TTC28: variants seen among roughly 807,000 people sequenced by gnomAD.
TTC28 encodes the protein tetratricopeptide repeat protein 28.
In TTC28, 61 loss-of-function variants were observed where a neutral mutation model predicts 198.0. The ratio of observed to expected loss-of-function variants is 0.31; its 90% CI spans 0.25 to 0.38. The LOEUF is 0.38. Among genes scored for constraint, TTC28 ranks in the 10% least tolerant of loss-of-function variants. TTC28 has a pLI of 1.00. For synonymous variants in TTC28, 1,171 were observed against 1,297.8 expected, an observed-to-expected ratio of 0.90 and a Z score of 2.10; for missense variants, 2,678 against 3,164.0, an observed-to-expected ratio of 0.85 and a Z score of 3.69.
chr22:28,252,169 C>A (rs1392014007), intron 5 of TTC28, among the ~76,000 whole-genome samples: 1 of 152,150 alleles, frequency 6.6e-6, no homozygotes, highest in African/African-American at 2.4e-5. Flanking sequence ...GCAATTCCAA[C>A]AGATTTTCAA....
intron 2 of TTC28, among the ~76,000 whole-genome samples, chr22:28,376,672 G>A (rs546543899): frequency 6.6e-6 from 1 of 152,294 alleles, no homozygotes; most frequent in Non-Finnish European, 1.5e-5. Context: ...GCTCTGGGAA[G>A]GGGAAGCAAA....
At chr22:28,581,394 C>T (rs945330586) in intron 2 of TTC28, among the ~76,000 whole-genome samples, 1 of 152,132 alleles carries the variant, frequency 6.6e-6, no homozygotes, top group Non-Finnish European at 1.5e-5. Flanking sequence ...TAGACTAACA[C>T]GACATCCTTT....
Position 28,094,147 on chromosome 22 carries a change from C to G in TTC28, c.3865G>C (p.Gly1289Arg), listed in dbSNP as rs768971011. Residue 1289 changes from glycine to arginine, a missense_variant, in exon 12 of 23, where the codon GGC becomes CGC. Around this residue, in one of 8 missense-constraint regions of TTC28, gnomAD observed 727 missense variants for 861.9 expected, o/e 0.84. Transcript: ENST00000397906. ...SSSVTLPTAT[G>R]SALEQHIASV... Reference sequence around the variant, plus strand: ...GCAATGTGCTGCTCCAGGGCTGAGCCGGTTGCTGTTGGAAGGGTTACACTG... The same window carrying G: ...GCAATGTGCTGCTCCAGGGCTGAGCGGGTTGCTGTTGGAAGGGTTACACTG... The G allele has an allele frequency of 6.4e-7, 1 of 1,551,618 alleles. No homozygotes were observed. Among genetic ancestry groups the G allele is most frequent in the South Asian group, 1.2e-5 (1 of 84,052 alleles).
At chr22:28,182,035 TAG>T (rs1569182996) in intron 5 of TTC28, among the ~76,000 whole-genome samples, 3 of 152,186 alleles carry the variant, frequency 2.0e-5, no homozygotes, top group African/African-American at 7.2e-5. Flanking sequence ...CATGAAATAT[TAG>T]AGAGTCGAGT....
intron 2 of TTC28, among the ~76,000 whole-genome samples, chr22:28,330,481 A>AATGAT (rs2045597863): frequency 6.6e-6 from 1 of 152,166 alleles, no homozygotes; most frequent in Admixed American, 6.5e-5. Context: ...TTTTTGCATC[A>AATGAT]ATGATGTGAC....
chr22:28,469,255 T>C (rs1392696710), intron 2 of TTC28, among the ~76,000 whole-genome samples: 2 of 152,162 alleles, frequency 1.3e-5, no homozygotes, highest in Admixed American at 6.5e-5. Flanking sequence ...AAGGCCATCA[T>C]TGTTGGTAAT....
chr22:28,422,329 C>T (rs186307002), intron 2 of TTC28, among the ~76,000 whole-genome samples: 105 of 152,260 alleles, frequency 6.9e-4, no homozygotes, highest in Non-Finnish European at 6.6e-4. Flanking sequence ...ACCTACATAA[C>T]GCAATACCAC....
intron 5 of TTC28, among the ~76,000 whole-genome samples, chr22:28,233,391 T>G (rs987725585): frequency 5.9e-5 from 9 of 152,226 alleles, no homozygotes; most frequent in African/African-American, 1.7e-4. Flanking sequence ...GGGAGATATC[T>G]CTATACCTCA....
At chr22:28,033,138 T>C (rs1939200753) in intron 12 of TTC28, among the ~76,000 whole-genome samples, 1 of 152,174 alleles carries the variant, frequency 6.6e-6, no homozygotes, top group African/African-American at 2.4e-5. Context: ...CAGCCTCCAT[T>C]ATCTTGCAGT....
rs1165901558 is a variant in TTC28, at chr22:27,990,741, G to A, written c.5577+48C>T. On this transcript the variant is annotated intron_variant, in intron 20 of 22. Coordinates refer to ENST00000397906, the MANE Select transcript of TTC28 (RefSeq NM_001145418.2). ...GCCCAGGGGAACTCGGGGGTGGGTG[G>A]GTTGAGGGGCTCACCTGACAACAGT... 3 of 1,539,374 alleles carry A rather than the reference G, an allele frequency of 1.9e-6. No homozygotes were observed. The South Asian group carries it at 3.6e-5, about 19-fold the overall frequency.
At chr22:28,530,149 C>A (rs1044745847) in intron 2 of TTC28, among the ~76,000 whole-genome samples, 1 of 152,084 alleles carries the variant, frequency 6.6e-6, no homozygotes, top group African/African-American at 2.4e-5. Flanking sequence ...TGCAAAGAAG[C>A]TAAAAACCTT....
At chr22:28,118,856 T>C (rs903077443) in intron 6 of TTC28, among the ~76,000 whole-genome samples, 4 of 152,226 alleles carry the variant, frequency 2.6e-5, no homozygotes, top group African/African-American at 9.6e-5. Flanking sequence ...TTGATCTTGA[T>C]TTTCTATTTC....
chr22:28,276,518 G>C (rs1302795420), intron 5 of TTC28, among the ~76,000 whole-genome samples: 1 of 152,122 alleles, frequency 6.6e-6, no homozygotes, highest in Non-Finnish European at 1.5e-5. Context: ...AATATATACA[G>C]TAACTATTAA....
chr22:28,090,260 AT>A (rs1267706806), intron 12 of TTC28, among the ~76,000 whole-genome samples: 1 of 151,956 alleles, frequency 6.6e-6, no homozygotes, highest in Non-Finnish European at 1.5e-5. Flanking sequence ...CCTTCTGAGA[AT>A]TTTTCTTTTC....
At chr22:28,552,788 C>CCCACGGTCTCCCTCTCCCTCTCTTT (rs1331965914) in intron 2 of TTC28, among the ~76,000 whole-genome samples, 1 of 145,044 alleles carries the variant, frequency 6.9e-6, no homozygotes, top group Non-Finnish European at 1.5e-5. Context: ...TCCCCCTCTC[C>CCCACGGTCTCCCTCTCCCTCTCTTT]CCACGGTCTC....
intron 2 of TTC28, among the ~76,000 whole-genome samples, chr22:28,555,853 A>G (rs2049777332): frequency 6.6e-6 from 1 of 152,146 alleles, no homozygotes; most frequent in Non-Finnish European, 1.5e-5. Context: ...TTTTAAATGC[A>G]ATATTTTAGT....
intron 5 of TTC28, among the ~76,000 whole-genome samples, chr22:28,229,287 A>G (rs1403645725): frequency 6.6e-6 from 1 of 152,242 alleles, no homozygotes; most frequent in Non-Finnish European, 1.5e-5. Flanking sequence ...CACAGAATAA[A>G]TAAGTTCTCC....
At chr22:28,400,270 G>A (rs980433951) in intron 2 of TTC28, among the ~76,000 whole-genome samples, 6 of 152,118 alleles carry the variant, frequency 3.9e-5, no homozygotes, top group Non-Finnish European at 5.9e-5. Context: ...TCTGTCTGCC[G>A]TGCCAGGTAT....
At chr22:28,040,045 T>G (rs1188287490) in intron 12 of TTC28, among the ~76,000 whole-genome samples, 3 of 152,162 alleles carry the variant, frequency 2.0e-5, no homozygotes, top group Admixed American at 6.6e-5. Flanking sequence ...AGGAAGAAGT[T>G]GAATCCCTGA....
Sources: gnomAD v4.1 joint callset for allele counts (sites outside exome capture counted in the v4.1 genomes callset) on GRCh38, gnomAD v4.1.1 for gene constraint, gnomAD v4.1.1 regional missense constraint, MANE v1.5 for transcripts, NCBI Gene and HGNC (gene_info 2026-07-23, HGNC 2026-07-21) for gene names.